The following SPHKAP variants were observed in gnomAD, a reference collection of about 807,000 sequenced individuals.
SPHKAP encodes the protein SPHK1 interactor, AKAP domain containing.
SPHKAP carries 67 observed loss-of-function variants against 137.5 expected under a neutral mutation model. The observed-to-expected ratio is 0.49, with a 90% CI of 0.40 to 0.60. The LOEUF (loss-of-function observed/expected upper bound fraction) is 0.60. Among genes scored for constraint, SPHKAP ranks in the 20% least tolerant of loss-of-function variants. The probability of loss-of-function intolerance (pLI) is 0.00; values close to 1 mark genes in which losing one functional copy is unlikely to be tolerated. For synonymous variants in SPHKAP, 813 were observed against 785.3 expected, an observed-to-expected ratio of 1.04 and a Z score of -0.59; for missense variants, 2,097 against 2,069.3, an observed-to-expected ratio of 1.01 and a Z score of -0.26.
intron 2 of SPHKAP, among the ~76,000 whole-genome samples, chr2:228,126,575 G>T (rs575972953): frequency 1.3e-5 from 2 of 152,196 alleles, no homozygotes; most frequent in South Asian, 4.1e-4. Flanking sequence ...GCCAGAGATG[G>T]GATGACCATA....
chr2:228,018,069 A>C lies in SPHKAP; in HGVS notation c.2785T>G (p.Phe929Val). 1 of 1,614,182 alleles carries C rather than the reference A, an allele frequency of 6.2e-7. No homozygotes were observed. Among genetic ancestry groups the C allele is most frequent in the East Asian group, 2.2e-5 (1 of 44,862 alleles). The change falls in exon 7 of 12, where the codon TTT becomes GTT. Residue 929 changes from phenylalanine to valine, a missense_variant. Coordinates refer to ENST00000392056, the MANE Select transcript of SPHKAP (RefSeq NM_001142644.2). The stretch of plus-strand genomic sequence containing the variant: ...ACCGTGTCTGCTAATTCTTCCGCAA[A>C]GTCTGTAATGCAGTAGATGTCTGGA... ...KHPDIYCITD[F>V]AEELADTVVS...
chr2:227,986,222 C>T (rs1693203507), intron 11 of SPHKAP, among the ~76,000 whole-genome samples: 1 of 152,160 alleles, frequency 6.6e-6, no homozygotes, highest in South Asian at 2.1e-4. Flanking sequence ...AGCTGATAAC[C>T]TTAACTGTAG....
intron 3 of SPHKAP, among the ~76,000 whole-genome samples, chr2:228,062,420 C>T (rs531626783): frequency 1.3e-5 from 2 of 152,232 alleles, no homozygotes; most frequent in East Asian, 3.9e-4. Flanking sequence ...TGAGCCACCA[C>T]ACCCGGCCTC....
chr2:228,080,026 C>A (rs560177110), intron 3 of SPHKAP, among the ~76,000 whole-genome samples: 3 of 151,828 alleles, frequency 2.0e-5, no homozygotes, highest in Non-Finnish European at 4.4e-5. Flanking sequence ...AACTGTAAAA[C>A]TACTTGAAGT....
At chr2:228,051,011 G>A (rs1696235192) in intron 3 of SPHKAP, among the ~76,000 whole-genome samples, 1 of 151,986 alleles carries the variant, frequency 6.6e-6, no homozygotes, top group Admixed American at 6.6e-5. Flanking sequence ...TTGCTATGTT[G>A]TCCAGGCTGG....
chr2:228,089,683 C>T (rs1697657149), intron 3 of SPHKAP, among the ~76,000 whole-genome samples: 1 of 152,202 alleles, frequency 6.6e-6, no homozygotes, highest in Non-Finnish European at 1.5e-5. Flanking sequence ...GGCACCACTG[C>T]CCTGCTCAGC....
intron 11 of SPHKAP, chr2:227,982,352 C>T: frequency 1.0e-6 from 1 of 985,278 alleles, no homozygotes; most frequent in Non-Finnish European, 1.2e-6. Context: ...GAAGCAACTC[C>T]CTCACCCTCC....
In SPHKAP at chr2:228,018,168, C is replaced by T. The variant is rs754224869; in HGVS notation, c.2686G>A (p.Glu896Lys). ...AACAAGGACAGGTTGACTTGAACTTCGTTGATGCGAGATGTGGCACAGTTG... is the reference window on the plus strand; with the variant it reads ...AACAAGGACAGGTTGACTTGAACTTTGTTGATGCGAGATGTGGCACAGTTG... The part of the protein sequence containing the change: ...KYNCATSRIN[E>K]VQVNLSLLGD... Residue 896 changes from glutamate (E) to lysine (K), a missense_variant, in exon 7 of 12, where the codon GAA becomes AAA. Glu to Lys is a moderately conservative substitution (Grantham distance 56). Coordinates refer to ENST00000392056, the MANE Select transcript of SPHKAP (RefSeq NM_001142644.2). 4 of 1,614,170 alleles carry T rather than the reference C, an allele frequency of 2.5e-6. No individual in the cohort carries two copies. The highest frequency in any genetic ancestry group is 1.7e-5 in the Admixed American group (1 of 60,034).
intron 3 of SPHKAP, among the ~76,000 whole-genome samples, chr2:228,064,724 C>T (rs574032777): frequency 6.6e-6 from 1 of 152,194 alleles, no homozygotes; most frequent in South Asian, 2.1e-4. Context: ...TAAATGGTGA[C>T]ATAAAGGCAG....
At chr2:228,035,483 TC>T (rs1462937486) in intron 3 of SPHKAP, among the ~76,000 whole-genome samples, 1 of 151,980 alleles carries the variant, frequency 6.6e-6, no homozygotes, top group South Asian at 2.1e-4. Context: ...TTCAATGCCA[TC>T]CCCATCAAGC....
intron 3 of SPHKAP, among the ~76,000 whole-genome samples, chr2:228,030,411 G>T (rs1402193103): frequency 6.8e-6 from 1 of 146,938 alleles, no homozygotes; most frequent in Non-Finnish European, 1.5e-5. Context: ...CTACTCAGGA[G>T]GCTGAGGCAG....
intron 3 of SPHKAP, among the ~76,000 whole-genome samples, chr2:228,064,419 T>A (rs1167281393): frequency 6.6e-6 from 1 of 152,224 alleles, no homozygotes; most frequent in Non-Finnish European, 1.5e-5. Flanking sequence ...TAATGTGATG[T>A]TTTTACTTTT....
At position 228,005,201 on chromosome 2, in the gene SPHKAP, A is replaced by G. The variant is rs1249338087; in HGVS notation, c.4449-9507T>C. On this transcript the variant is annotated intron_variant, in intron 7 of 11. Transcript: ENST00000392056. Reference sequence around the variant, plus strand: ...TGTATGGGTGTCTAAGACTGCCTGTAGGTCTCTAAGGACTTGCTTTATGAA... The same window carrying G: ...TGTATGGGTGTCTAAGACTGCCTGTGGGTCTCTAAGGACTTGCTTTATGAA... Among the ~76,000 whole-genome samples the G allele has an allele frequency of 4.6e-5, 7 of 152,188 alleles. No individual in the cohort carries two copies. The East Asian group carries it at 1.2e-3, about 25-fold the overall frequency.
At chr2:228,029,804 C>T (rs1291786529) in intron 3 of SPHKAP, among the ~76,000 whole-genome samples, 8 of 152,120 alleles carry the variant, frequency 5.3e-5, no homozygotes, top group African/African-American at 1.9e-4. Flanking sequence ...GCAGCTGGCA[C>T]TGGTGGTATT....
intron 8 of SPHKAP, 130 bp from the exon 9 acceptor site, chr2:227,993,750 C>T (rs895069676): frequency 4.0e-6 from 3 of 745,820 alleles, no homozygotes; most frequent in Non-Finnish European, 4.5e-6. Flanking sequence ...GCCTAGGACA[C>T]CTCAATTCAT....
At chr2:228,179,261 A>G (rs977520035) in intron 1 of SPHKAP, among the ~76,000 whole-genome samples, 2 of 152,222 alleles carry the variant, frequency 1.3e-5, no homozygotes, top group African/African-American at 4.8e-5. Flanking sequence ...AGCCTTGACA[A>G]TAGCAATTTG....
chr2:228,117,514 G>C (rs1454089160), intron 2 of SPHKAP, among the ~76,000 whole-genome samples: 1 of 152,112 alleles, frequency 6.6e-6, no homozygotes, highest in East Asian at 1.9e-4. Flanking sequence ...GACTTGAATA[G>C]TGAATGGTGA....
intron 3 of SPHKAP, among the ~76,000 whole-genome samples, chr2:228,034,192 G>A (rs1382129193): frequency 6.6e-6 from 1 of 152,098 alleles, no homozygotes; most frequent in African/African-American, 2.4e-5. Flanking sequence ...AAATGATAAA[G>A]GTGATATCAC....
Position 228,055,119 on chromosome 2 carries a change from G to T in SPHKAP, c.247-27576C>A, listed in dbSNP as rs975604548. On this transcript the variant is annotated intron_variant, in intron 3 of 11. Coordinates refer to ENST00000392056, the MANE Select transcript of SPHKAP (RefSeq NM_001142644.2). ...ATCATGCCATTGTACTCCAGCTTGG[G>T]CAAAAAGAGTGAAACTCCACTCCAA... Among the ~76,000 whole-genome samples, 70 of 114,654 alleles carry T rather than the reference G, an allele frequency of 6.1e-4. 1 individual carries two copies. The highest frequency in any genetic ancestry group is 3.4e-4 in the Non-Finnish European group (20 of 58,222). 75.2% of individuals were successfully genotyped at this position (114,654 alleles called of 152,430 possible). A position where few individuals can be genotyped will look rare whatever the true frequency, so the allele number is the denominator to read the frequency against.
Sources: allele counts gnomAD v4.1 joint callset (sites outside exome capture counted in the v4.1 genomes callset), GRCh38; gene constraint gnomAD v4.1.1; transcripts MANE v1.5; gene names NCBI Gene and HGNC (gene_info 2026-07-23, HGNC 2026-07-21).